The following GRID1 variants were observed in gnomAD, a reference collection of about 807,000 sequenced individuals.
GRID1 encodes glutamate ionotropic receptor delta type subunit 1.
A neutral mutation model predicts 98.0 loss-of-function variants in GRID1; 28 were observed. That is an observed-to-expected ratio of 0.29 (90% CI 0.21 to 0.39). The LOEUF is 0.39. Ranked by LOEUF, GRID1 falls within the 10% of genes least tolerant of loss-of-function variation. The pLI is 1.00. For missense variants in GRID1, 1,111 were observed against 1,340.5 expected (o/e 0.83, Z 2.67); for synonymous variants, 553 against 538.5 (o/e 1.03, Z -0.37).
intron 4 of GRID1, among the ~76,000 whole-genome samples, chr10:85,969,042 T>C (rs1231633240): frequency 6.6e-6 from 1 of 152,184 alleles, no homozygotes; most frequent in Non-Finnish European, 1.5e-5. Flanking sequence ...CTGAAGTGGC[T>C]GTACTAATAG....
At chr10:86,303,890 TA>T (rs1847723882) in intron 2 of GRID1, among the ~76,000 whole-genome samples, 1 of 152,206 alleles carries the variant, frequency 6.6e-6, no homozygotes, top group Non-Finnish European at 1.5e-5. Context: ...CTCCACATGT[TA>T]TCTCCAGGCT....
chr10:85,826,097 C>T (rs893717342), intron 8 of GRID1, among the ~76,000 whole-genome samples: 1 of 152,064 alleles, frequency 6.6e-6, no homozygotes, highest in Non-Finnish European at 1.5e-5. Flanking sequence ...GAGGCTGAGG[C>T]GGGTGGATCA....
At chr10:85,669,256 G>T (rs368729963) in intron 12 of GRID1, among the ~76,000 whole-genome samples, 15 of 152,302 alleles carry the variant, frequency 9.8e-5, no homozygotes, top group African/African-American at 3.4e-4. Flanking sequence ...GAGGATGATG[G>T]GAGTTTCCTA....
At chr10:85,967,471 G>T (rs1254461609) in intron 4 of GRID1, among the ~76,000 whole-genome samples, 2 of 152,078 alleles carry the variant, frequency 1.3e-5, no homozygotes, top group Non-Finnish European at 2.9e-5. Flanking sequence ...CAGAAAAATA[G>T]GAAAAAATGC....
chr10:86,316,617 G>T (rs1256673833), intron 2 of GRID1, among the ~76,000 whole-genome samples: 1 of 152,260 alleles, frequency 6.6e-6, no homozygotes, highest in African/African-American at 2.4e-5. Flanking sequence ...ACAGGGTGGA[G>T]ATGGAGCCAG....
chr10:86,356,505 T>C (rs1332157926), intron 2 of GRID1, among the ~76,000 whole-genome samples: 1 of 152,162 alleles, frequency 6.6e-6, no homozygotes, highest in Non-Finnish European at 1.5e-5. Flanking sequence ...TAAGCAGAAG[T>C]GATGTGAGCA....
At chr10:86,161,092 A>G (rs1363779976) in intron 3 of GRID1, among the ~76,000 whole-genome samples, 2 of 152,326 alleles carry the variant, frequency 1.3e-5, no homozygotes, top group East Asian at 1.9e-4. Flanking sequence ...CTCAGCTGAT[A>G]GCACCAGCAA....
chr10:85,834,419 A>G (rs1460560434), intron 8 of GRID1, among the ~76,000 whole-genome samples: 5 of 152,220 alleles, frequency 3.3e-5, no homozygotes, highest in Non-Finnish European at 7.3e-5. Flanking sequence ...GAAGACCAAA[A>G]GAATATGTGC....
chr10:86,124,204 C>T (rs1844718491), intron 4 of GRID1, among the ~76,000 whole-genome samples: 1 of 152,182 alleles, frequency 6.6e-6, no homozygotes, highest in African/African-American at 2.4e-5. Context: ...TCATGCTGCT[C>T]ACCTGCTCAC....
intron 2 of GRID1, among the ~76,000 whole-genome samples, chr10:86,353,409 T>C (rs1848488329): frequency 6.6e-6 from 1 of 152,232 alleles, no homozygotes; most frequent in Non-Finnish European, 1.5e-5. Flanking sequence ...TCTCCTTGTG[T>C]ATGTATGCAT....
At chr10:85,811,776 A>C (rs1468161069) in intron 8 of GRID1, among the ~76,000 whole-genome samples, 6 of 152,188 alleles carry the variant, frequency 3.9e-5, no homozygotes, top group African/African-American at 1.4e-4. Context: ...AGGTGAGGAA[A>C]ACATTTTTGA....
chr10:86,301,226 G>T (rs556976065), intron 2 of GRID1, among the ~76,000 whole-genome samples: 5 of 152,166 alleles, frequency 3.3e-5, no homozygotes, highest in Non-Finnish European at 5.9e-5. Flanking sequence ...ACCTCACCTT[G>T]GACCTGCTGC....
At chr10:86,145,668 C>A (rs910622474) in intron 3 of GRID1, among the ~76,000 whole-genome samples, 23 of 152,066 alleles carry the variant, frequency 1.5e-4, no homozygotes, top group Non-Finnish European at 3.2e-4. Flanking sequence ...CATCTCAGGT[C>A]CTCAAGTTGA....
At chr10:85,639,455 AG>A (rs1172435023) in intron 13 of GRID1, among the ~76,000 whole-genome samples, 7 of 152,388 alleles carry the variant, frequency 4.6e-5, no homozygotes, top group Non-Finnish European at 7.3e-5. Context: ...AAAGTTTTGC[AG>A]GTAATGGAAA....
intron 2 of GRID1, among the ~76,000 whole-genome samples, chr10:86,256,309 T>C (rs567446049): frequency 1.8e-3 from 274 of 152,288 alleles, no homozygotes; most frequent in African/African-American, 5.1e-3. Context: ...GCTAAGATGA[T>C]ATCAATGTCT....
At chr10:86,241,235 C>T (rs1242830098) in intron 2 of GRID1, among the ~76,000 whole-genome samples, 2 of 152,258 alleles carry the variant, frequency 1.3e-5, no homozygotes, top group African/African-American at 4.8e-5. Flanking sequence ...CCTGGCCCCC[C>T]AGCCCCTCTC....
intron 4 of GRID1, among the ~76,000 whole-genome samples, chr10:85,984,061 T>C (rs1842578660): frequency 6.6e-6 from 1 of 151,988 alleles, no homozygotes; most frequent in South Asian, 2.1e-4. Flanking sequence ...AGGAATGTAA[T>C]CTGAATCCAG....
intron 2 of GRID1, among the ~76,000 whole-genome samples, chr10:86,326,701 G>A (rs1268937860): frequency 6.6e-6 from 1 of 152,182 alleles, no homozygotes; most frequent in Non-Finnish European, 1.5e-5. Context: ...GAAGTCCCAT[G>A]GATGCACATA....
At chr10:85,985,823 G>A (rs12761212) in intron 4 of GRID1, among the ~76,000 whole-genome samples, 11,089 of 152,220 alleles carry the variant, frequency 0.073, 446 homozygotes, top group Non-Finnish European at 0.094. Context: ...CCCACAGGGA[G>A]AGGCAAAAGA....
Sources: gnomAD v4.1 joint callset for allele counts (sites outside exome capture counted in the v4.1 genomes callset) on GRCh38, gnomAD v4.1.1 for gene constraint, MANE v1.5 for transcripts, NCBI Gene and HGNC (gene_info 2026-07-23, HGNC 2026-07-21) for gene names.